Variants in LGR6 observed in about 807,000 individuals in gnomAD.
LGR6 encodes the protein leucine-rich repeat-containing G protein-coupled receptor 6.
Under a neutral mutation model 69.4 loss-of-function variants are expected in LGR6, and 45 were observed. That is an observed-to-expected ratio of 0.65 (90% CI 0.51 to 0.83). The LOEUF is 0.83. LGR6 is among the 40% of genes least tolerant of loss of function. The pLI is 0.00. For missense variants in LGR6, 1,108 were observed against 1,246.7 expected, an observed-to-expected ratio of 0.89 and a Z score of 1.68; for synonymous variants, 538 against 555.0, an observed-to-expected ratio of 0.97 and a Z score of 0.43.
At chr1:202,199,395 T>A (rs1422488798) in intron 1 of LGR6, among the ~76,000 whole-genome samples, 1 of 150,570 alleles carries the variant, frequency 6.6e-6, no homozygotes, top group African/African-American at 2.5e-5. Context: ...CGGAGGTGGG[T>A]GAATGTGTGG....
intron 10 of LGR6, among the ~76,000 whole-genome samples, chr1:202,303,961 T>C (rs1168004853): frequency 6.6e-6 from 1 of 152,182 alleles, no homozygotes; most frequent in African/African-American, 2.4e-5. Context: ...ATGAGGGAAG[T>C]AGTTATTCCC....
At chr1:202,264,228 A>G (rs1664468338) in intron 4 of LGR6, among the ~76,000 whole-genome samples, 1 of 152,118 alleles carries the variant, frequency 6.6e-6, no homozygotes, top group African/African-American at 2.4e-5. Context: ...GTTGATATGG[A>G]CTTTTCCCAT....
chr1:202,272,497 C>T (rs1217941443), intron 4 of LGR6, among the ~76,000 whole-genome samples: 1 of 152,222 alleles, frequency 6.6e-6, no homozygotes, highest in Non-Finnish European at 1.5e-5. Context: ...CTCAGCTGCT[C>T]TACCATGCCA....
intron 12 of LGR6, 81 bp from the exon 13 acceptor site, chr1:202,306,787 C>A: frequency 7.7e-7 from 1 of 1,297,100 alleles, no homozygotes; most frequent in Non-Finnish European, 1.1e-6. Flanking sequence ...GCTCTACTTT[C>A]TTCCTCCCAG....
At chr1:202,261,887 G>C (rs561410756) in intron 4 of LGR6, among the ~76,000 whole-genome samples, 189 of 152,276 alleles carry the variant, frequency 1.2e-3, no homozygotes, top group African/African-American at 4.5e-3. Context: ...GTCTTCTTTT[G>C]AGAAGTGTCT....
chr1:202,293,950 A>G (rs1277662006), intron 6 of LGR6, among the ~76,000 whole-genome samples: 2 of 152,222 alleles, frequency 1.3e-5, no homozygotes, highest in Admixed American at 6.5e-5. Context: ...GATTGCCTGG[A>G]CATGGGTCCA....
chr1:202,226,117 G>A (rs917815804), intron 2 of LGR6, among the ~76,000 whole-genome samples: 1 of 152,158 alleles, frequency 6.6e-6, no homozygotes, highest in African/African-American at 2.4e-5. Context: ...GTCACTCTCA[G>A]GTTGGGATTC....
At chr1:202,273,303 G>GCC (rs759763586) in intron 4 of LGR6, among the ~76,000 whole-genome samples, 2 of 152,184 alleles carry the variant, frequency 1.3e-5, no homozygotes, top group Non-Finnish European at 2.9e-5. Context: ...AGGAGGTACT[G>GCC]CCCCTCTTAG....
chr1:202,293,747 G>A (rs1007747746), intron 6 of LGR6, among the ~76,000 whole-genome samples: 4 of 152,024 alleles, frequency 2.6e-5, no homozygotes, highest in Admixed American at 1.3e-4. Context: ...GGAAAACTCC[G>A]GCCACCTCAT....
intron 4 of LGR6, among the ~76,000 whole-genome samples, chr1:202,241,116 T>G (rs11588324): frequency 0.071 from 10,814 of 152,230 alleles, 645 homozygotes; most frequent in African/African-American, 0.15. Context: ...TTTGATGGCT[T>G]TCACTGGGTG....
intron 4 of LGR6, among the ~76,000 whole-genome samples, chr1:202,243,814 A>G (rs532530600): frequency 6.6e-6 from 1 of 152,194 alleles, no homozygotes; most frequent in Admixed American, 6.5e-5. Flanking sequence ...TCAAGGAGTC[A>G]TTTTCTTGGG....
At chr1:202,228,497 T>A (rs1660745335) in intron 3 of LGR6, among the ~76,000 whole-genome samples, 2 of 152,236 alleles carry the variant, frequency 1.3e-5, no homozygotes, top group Admixed American at 1.3e-4. Context: ...TCGGTCTTCA[T>A]GTTGCTTCCT....
In LGR6 at chr1:202,194,155, G is replaced by C. The variant is rs572587382; in HGVS notation, c.166G>C (p.Gly56Arg). 1 of 1,574,962 alleles carries C rather than the reference G, an allele frequency of 6.3e-7. No individual in the cohort carries two copies. Among genetic ancestry groups the C allele is most frequent in the South Asian group, 1.1e-5 (1 of 87,808 alleles). The stretch of plus-strand genomic sequence containing the variant: ...GCTGTCTGCCGACTGCTCTGAGCTC[G>C]GGCTGTCCGCCGTTCCGGGGGACCT... The part of the protein sequence containing the change: ...IMLSADCSEL[G>R]LSAVPGDLDP... The change falls in exon 1 of 18, where the codon GGG (glycine) becomes CGG (arginine). Residue 56 changes from glycine (G) to arginine (R), a missense_variant. Transcript: ENST00000367278.
intron 11 of LGR6, 148 bp from the exon 12 acceptor site, chr1:202,305,536 G>A: frequency 1.2e-5 from 8 of 685,110 alleles, no homozygotes; most frequent in Non-Finnish European, 2.1e-5. Flanking sequence ...CCTGGTGTGA[G>A]ATGCCTCAAC....
chr1:202,205,988 A>AC (rs1553238593), intron 1 of LGR6, among the ~76,000 whole-genome samples: 2 of 149,440 alleles, frequency 1.3e-5, no homozygotes, highest in Admixed American at 6.9e-5. Flanking sequence ...ACACACACAC[A>AC]CCCCTAGTAT....
rs770874974 is a variant in LGR6 at position 202,194,114 on chromosome 1, A to C, written c.125A>C (p.Gln42Pro). 15 of 1,553,614 alleles carry C rather than the reference A, an allele frequency of 9.7e-6. No homozygotes were observed. In the Admixed American group the frequency reaches 2.8e-4, roughly 29 times the overall value. Reference protein sequence around the residue: ...PTACPAPCHCQEDGIMLSADC... With the variant: ...PTACPAPCHCPEDGIMLSADC... ...GCCTGCCCGGCCCCCTGCCACTGCC[A>C]GGAGGACGGCATCATGCTGTCTGCC... is the stretch of plus-strand genomic sequence containing the variant. The change falls in exon 1 of 18, where the codon CAG becomes CCG. Residue 42 changes from glutamine (Q) to proline (P), a missense_variant. Physicochemically the swap from Gln to Pro is moderately conservative, Grantham distance 76. Coordinates refer to ENST00000367278, the MANE Select transcript of LGR6 (RefSeq NM_001017403.2).
chr1:202,258,670 A>T (rs1272415398), intron 4 of LGR6, among the ~76,000 whole-genome samples: 1 of 151,968 alleles, frequency 6.6e-6, no homozygotes, highest in East Asian at 1.9e-4. Flanking sequence ...TGAGGTGTAT[A>T]CATTCATCTT....
intron 9 of LGR6, among the ~76,000 whole-genome samples, chr1:202,302,311 G>A (rs1055027039): frequency 2.6e-5 from 4 of 152,176 alleles, no homozygotes; most frequent in African/African-American, 9.7e-5. Context: ...CGATTTACAG[G>A]TGGAACATGA....
At chr1:202,291,595 C>T (rs1015515079) in intron 6 of LGR6, among the ~76,000 whole-genome samples, 1 of 152,216 alleles carries the variant, frequency 6.6e-6, no homozygotes. Flanking sequence ...GCTTCCCAAC[C>T]TCAGCAAGCT....
Sources: gnomAD v4.1 joint callset for allele counts (sites outside exome capture counted in the v4.1 genomes callset) on GRCh38, gnomAD v4.1.1 for gene constraint, MANE v1.5 for transcripts, NCBI Gene and HGNC (gene_info 2026-07-23, HGNC 2026-07-21) for gene names.